Variants in RALGPS2 observed in about 807,000 individuals in gnomAD.
RALGPS2 encodes the protein Ral GEF with PH domain and SH3 binding motif 2.
A neutral mutation model predicts 86.8 loss-of-function variants in RALGPS2; 43 were observed. The observed-to-expected ratio is 0.50, with a 90% CI of 0.39 to 0.64. The LOEUF is 0.64. Among genes scored for constraint, RALGPS2 ranks in the 30% least tolerant of loss-of-function variants. The probability of loss-of-function intolerance (pLI) is 0.00; values close to 1 mark genes in which losing one functional copy is unlikely to be tolerated. For missense variants in RALGPS2, 536 were observed against 694.6 expected (o/e 0.77, Z 2.57); for synonymous variants, 243 against 231.3 (o/e 1.05, Z -0.46).
At chr1:178,798,117 A>G (rs972980995) in intron 4 of RALGPS2, among the ~76,000 whole-genome samples, 3 of 152,194 alleles carry the variant, frequency 2.0e-5, no homozygotes, top group Non-Finnish European at 4.4e-5. Flanking sequence ...GATATATCCA[A>G]ATGTATTAAG....
intron 4 of RALGPS2, among the ~76,000 whole-genome samples, chr1:178,801,954 TG>T (rs757498143): frequency 2.6e-5 from 4 of 152,176 alleles, no homozygotes; most frequent in Non-Finnish European, 5.9e-5. Context: ...CCTCATAAGA[TG>T]GTAGTTTCTG....
chr1:178,790,467 C>T (rs1653898007), intron 4 of RALGPS2, among the ~76,000 whole-genome samples: 1 of 152,180 alleles, frequency 6.6e-6, no homozygotes, highest in African/African-American at 2.4e-5. Context: ...AAGGTAATCA[C>T]CATCCAGTAT....
At chr1:178,751,262 C>G (rs1186544754) in intron 1 of RALGPS2, among the ~76,000 whole-genome samples, 1 of 152,080 alleles carries the variant, frequency 6.6e-6, no homozygotes, top group Non-Finnish European at 1.5e-5. Flanking sequence ...ATTGCCCTTA[C>G]CATAAATTTC....
At chr1:178,876,100 A>G (rs758852384) in intron 8 of RALGPS2, among the ~76,000 whole-genome samples, 1 of 152,188 alleles carries the variant, frequency 6.6e-6, no homozygotes, top group African/African-American at 2.4e-5. Flanking sequence ...TGCCATGCCA[A>G]CCTTTTATGT....
intron 8 of RALGPS2, among the ~76,000 whole-genome samples, chr1:178,859,827 C>CG (rs1388366176): frequency 3.4e-5 from 3 of 89,254 alleles, no homozygotes; most frequent in African/African-American, 1.2e-4. Context: ...CCCGCCCCCC[C>CG]CCCCCCAACC....
At chr1:178,785,740 A>G in intron 4 of RALGPS2, 133 bp downstream of exon 4, 1 of 1,205,538 alleles carries the variant, frequency 8.3e-7, no homozygotes, top group Admixed American at 2.9e-5. Context: ...TTATCTACAT[A>G]CTGTTTGGGC....
intron 19 of RALGPS2, among the ~76,000 whole-genome samples, chr1:178,907,523 T>C (rs1660438776): frequency 6.6e-6 from 1 of 152,246 alleles, no homozygotes; most frequent in South Asian, 2.1e-4. Context: ...GGCTTTCAGC[T>C]GCAGAAGAGC....
Position 178,916,504 on chromosome 1 carries a change from C to CT in RALGPS2, c.*146dup. The CT allele has an allele frequency of 2.9e-6, 2 of 680,532 alleles. No homozygotes were observed. The allele number at this position is 680,532 out of a possible 1,614,324, so 42.2% of individuals were successfully genotyped here. A position where few individuals can be genotyped will look rare whatever the true frequency, so the allele number is the denominator to read the frequency against. On this transcript the variant is annotated 3_prime_UTR_variant, in exon 20 of 20. Transcript: ENST00000367635. ...GTTGGAGTTCTCAACCAAAAAAGCA[C>CT]TAATTTCAGGGAATGATTTGAGATA...
chr1:178,913,797 G>A lies in RALGPS2; in HGVS notation c.1723-2533G>A, dbSNP rs947437893. ...TGTGTCCTGTAACTCCCAAGGGGCTGGGACTGGGCCCCTGGCTTTTTCCTC... is the reference window on the plus strand; with the variant it reads ...TGTGTCCTGTAACTCCCAAGGGGCTAGGACTGGGCCCCTGGCTTTTTCCTC... On this transcript the variant is annotated intron_variant, in intron 19 of 19. Transcript: ENST00000367635. Among the ~76,000 whole-genome samples the A allele has an allele frequency of 5.3e-5, 8 of 152,164 alleles. 1 individual carries two copies. The highest frequency in any genetic ancestry group is 4.1e-4 in the South Asian group (2 of 4,830).
chr1:178,728,247 C>CTGACTGTG (rs1650138817), intron 1 of RALGPS2, among the ~76,000 whole-genome samples: 1 of 152,062 alleles, frequency 6.6e-6, no homozygotes, highest in South Asian at 2.1e-4. Context: ...TTATTTCTGG[C>CTGACTGTG]TGACTGTGAG....
At chr1:178,861,682 C>G (rs928163178) in intron 8 of RALGPS2, among the ~76,000 whole-genome samples, 1 of 152,178 alleles carries the variant, frequency 6.6e-6, no homozygotes, top group Non-Finnish European at 1.5e-5. Context: ...AAAATTCACA[C>G]AGCTCAATTA....
In RALGPS2 at chr1:178,833,642, T is replaced by G. The variant is rs976445014; in HGVS notation, c.607+92T>G. On this transcript the variant is annotated intron_variant, in intron 8 of 19. Coordinates refer to ENST00000367635, the MANE Select transcript of RALGPS2 (RefSeq NM_152663.5). The stretch of plus-strand genomic sequence containing the variant: ...AAATTCAAGGTATTTTTTAAATGTT[T>G]GTATCTTTTAAATAAATTACTTCAA... 85 of 1,469,870 alleles carry G rather than the reference T, an allele frequency of 5.8e-5. No individual in the cohort carries two copies. In the African/African-American group the frequency reaches 1.2e-3, roughly 21 times the overall value. 91.1% of individuals were successfully genotyped at this position (1,469,870 alleles called of 1,614,324 possible).
intron 1 of RALGPS2, chr1:178,747,716 A>G: frequency 1.5e-6 from 2 of 1,336,136 alleles, no homozygotes; most frequent in Non-Finnish European, 2.1e-6. Flanking sequence ...GATGCTGAGC[A>G]TCCAACTCCT....
At chr1:178,744,817 CAAAAAAAAAA>C (rs148175568) in intron 1 of RALGPS2, among the ~76,000 whole-genome samples, 4 of 66,034 alleles carry the variant, frequency 6.1e-5, no homozygotes, top group East Asian at 5.3e-4. Flanking sequence ...GACTCCATCT[CAAAAAAAAAA>C]AAAAAAAAAA....
intron 6 of RALGPS2, among the ~76,000 whole-genome samples, chr1:178,812,077 A>C (rs866957391): frequency 2.0e-5 from 3 of 152,186 alleles, no homozygotes; most frequent in African/African-American, 7.2e-5. Flanking sequence ...AAGACAAGTT[A>C]ATGAGAGAAA....
chr1:178,744,772 C>T (rs1651219295), intron 1 of RALGPS2, among the ~76,000 whole-genome samples: 2 of 146,202 alleles, frequency 1.4e-5, no homozygotes, highest in Non-Finnish European at 3.0e-5. Flanking sequence ...GAGCCGAGAT[C>T]GCACCACTGT....
chr1:178,777,918 T>C (rs1425091698), intron 2 of RALGPS2, among the ~76,000 whole-genome samples: 1 of 141,850 alleles, frequency 7.0e-6, no homozygotes, highest in East Asian at 2.1e-4. Context: ...ACTTAAACGT[T>C]AGACCTAAAA....
At chr1:178,788,792 CTTCTTTTCTTTCT>C (rs1653792743) in intron 4 of RALGPS2, among the ~76,000 whole-genome samples, 1 of 150,676 alleles carries the variant, frequency 6.6e-6, no homozygotes, top group African/African-American at 2.5e-5. Context: ...TTTCTCTTCT[CTTCTTTTCTTTCT>C]TTCTTTTCTT....
intron 8 of RALGPS2, among the ~76,000 whole-genome samples, chr1:178,843,794 C>T (rs928891627): frequency 3.3e-5 from 5 of 152,072 alleles, no homozygotes; most frequent in Non-Finnish European, 5.9e-5. Context: ...TGTGAAGAAG[C>T]ATCTTGATTG....
Sources: allele counts gnomAD v4.1 joint callset (sites outside exome capture counted in the v4.1 genomes callset), GRCh38; gene constraint gnomAD v4.1.1; transcripts MANE v1.5; gene names NCBI Gene and HGNC (gene_info 2026-07-23, HGNC 2026-07-21).